The following ZBTB40 variants were observed in gnomAD, a reference collection of about 807,000 sequenced individuals.
The protein encoded by ZBTB40 is zinc finger and BTB domain-containing protein 40.
ZBTB40 carries 60 observed loss-of-function variants against 117.5 expected under a neutral mutation model. The observed-to-expected ratio is 0.51, with a 90% CI of 0.41 to 0.63. The LOEUF (loss-of-function observed/expected upper bound fraction) is 0.63. ZBTB40 is among the 30% of genes least tolerant of loss of function. The pLI is 0.00. For missense variants in ZBTB40, 1,287 were observed against 1,498.5 expected (o/e 0.86, Z 2.33); for synonymous variants, 525 against 577.1 (o/e 0.91, Z 1.29).
In ZBTB40 at chr1:22,530,383, C is replaced by CA. The variant is rs1428954493; in HGVS notation, c.*3991dup. On this transcript the variant is annotated 3_prime_UTR_variant, in exon 18 of 18. Coordinates refer to ENST00000375647, the MANE Select transcript of ZBTB40 (RefSeq NM_014870.4). ...ACTTCGGGGCTGGTGGGACTTAGGC[C>CA]AAAAGCTCAGAGGCACAGCCAAAAT... 1.3e-5 allele frequency: 2 copies of CA among 152,182 alleles called. No homozygotes were observed. The highest frequency in any genetic ancestry group is 4.8e-5 in the African/African-American group (2 of 41,378). The allele number at this position is 152,182 out of a possible 1,614,324, so 9.4% of individuals were successfully genotyped here.
intron 1 of ZBTB40, among the ~76,000 whole-genome samples, chr1:22,478,334 G>A (rs982181606): frequency 4.6e-5 from 7 of 151,922 alleles, no homozygotes; most frequent in African/African-American, 7.3e-5. Context: ...TGCAAGCTCC[G>A]CCTCCTGGGT....
In ZBTB40 at chr1:22,490,616, G is replaced by A. The variant is rs1423465000; in HGVS notation, c.668G>A (p.Ser223Asn). Residue 223 changes from serine to asparagine, a missense_variant, in exon 2 of 18, where the codon AGT becomes AAT. Transcript: ENST00000375647. ...CSPSPAVQTF[S>N]EAKKTSTEPG... ...CCCTCCCCTGCTGTGCAAACCTTTAGTGAGGCAAAGAAGACAAGCACAGAA... is the reference window on the plus strand; with the variant it reads ...CCCTCCCCTGCTGTGCAAACCTTTAATGAGGCAAAGAAGACAAGCACAGAA... 1 of 1,613,840 alleles carries A rather than the reference G, an allele frequency of 6.2e-7. No homozygotes were observed. The highest frequency in any genetic ancestry group is 8.5e-7 in the Non-Finnish European group (1 of 1,180,014).
chr1:22,509,660 C>T (rs1639177050), intron 9 of ZBTB40, among the ~76,000 whole-genome samples: 1 of 152,222 alleles, frequency 6.6e-6, no homozygotes, highest in African/African-American at 2.4e-5. Context: ...GAACCAATAT[C>T]TGTACCCCTT....
chr1:22,501,451 T>C (rs770493315), intron 3 of ZBTB40, 41 bp from the exon 4 acceptor site: 20 of 1,610,350 alleles, frequency 1.2e-5, no homozygotes, highest in Non-Finnish European at 1.5e-5. Flanking sequence ...ATGGTTCTTG[T>C]GGTTCGCTAA....
rs768869516 is a variant in ZBTB40 at position 22,526,159 on chromosome 1, T to C, written c.3526-43T>C. On this transcript the variant is annotated intron_variant, in intron 17 of 17. Transcript: ENST00000375647. The stretch of plus-strand genomic sequence containing the variant: ...AAACCATGTAAATCAGGGAGCCAAC[T>C]GTGAACACTGCCCAGAGCAGCCTCA... 3.7e-6 allele frequency: 6 copies of C among 1,608,906 alleles called. No individual in the cohort carries two copies. The Admixed American group carries it at 1.0e-4, about 27-fold the overall frequency.
chr1:22,487,510 T>C (rs1016383227), intron 1 of ZBTB40, among the ~76,000 whole-genome samples: 11 of 152,166 alleles, frequency 7.2e-5, no homozygotes, highest in African/African-American at 2.4e-4. Context: ...TGGATCATCT[T>C]ATCATCCACC....
intron 1 of ZBTB40, among the ~76,000 whole-genome samples, chr1:22,471,605 G>A (rs1641405099): frequency 6.6e-6 from 1 of 152,244 alleles, no homozygotes; most frequent in Non-Finnish European, 1.5e-5. Context: ...TTATTACCAT[G>A]ATAGAGCAGT....
chr1:22,436,232 C>G lies in ZBTB40; in HGVS notation c.-70+7218C>G, dbSNP rs533230341. Among the ~76,000 whole-genome samples, 3 of 152,290 alleles carry G rather than the reference C, an allele frequency of 2.0e-5. No individual in the cohort carries two copies. The South Asian group carries it at 6.2e-4, about 32-fold the overall frequency. On this transcript the variant is annotated intron_variant, in intron 1 of 8. Coordinates refer to the ZBTB40 transcript ENST00000650433. ...ACTTGCACATAAATAAATACTCATG[C>G]CGGACGCGGTGGCTCATGCCTGTAA...
At chr1:22,488,222 G>A (rs1347349522) in intron 1 of ZBTB40, among the ~76,000 whole-genome samples, 1 of 152,140 alleles carries the variant, frequency 6.6e-6, no homozygotes, top group Non-Finnish European at 1.5e-5. Flanking sequence ...TTTGTGTTAA[G>A]CAGAATTTTA....
intron 1 of ZBTB40, among the ~76,000 whole-genome samples, chr1:22,487,402 G>C (rs914362772): frequency 6.6e-6 from 1 of 152,082 alleles, no homozygotes; most frequent in African/African-American, 2.4e-5. Flanking sequence ...TTACAAGTGA[G>C]ATTACATAAT....
chr1:22,474,217 G>C (rs1641501452), intron 1 of ZBTB40, among the ~76,000 whole-genome samples: 1 of 152,152 alleles, frequency 6.6e-6, no homozygotes, highest in Admixed American at 6.5e-5. Context: ...TCCAAATCTT[G>C]GAGAGTGGAA....
intron 1 of ZBTB40, among the ~76,000 whole-genome samples, chr1:22,482,815 TA>T (rs1638361581): frequency 6.6e-6 from 1 of 152,172 alleles, no homozygotes; most frequent in Non-Finnish European, 1.5e-5. Context: ...CTCACGCCTG[TA>T]ATCTGTAATC....
chr1:22,452,198 T>A (rs1439225635), intron 1 of ZBTB40, among the ~76,000 whole-genome samples, 194 bp downstream of exon 1: 1 of 152,090 alleles, frequency 6.6e-6, no homozygotes, highest in Non-Finnish European at 1.5e-5. Context: ...TGGCGCCGGC[T>A]CTGCTGTAGA....
Position 22,452,343 on chromosome 1 carries a change from C to G in ZBTB40, c.-70+339C>G, listed in dbSNP as rs578060280. 1.5e-3 allele frequency among the ~76,000 whole-genome samples: 227 copies of G among 152,378 alleles called. 3 individuals carry two copies. The highest frequency in any genetic ancestry group is 5.2e-3 in the African/African-American group (218 of 41,600). ...CTTGTCGCTGTCTCACTCCCCCTCC[C>G]TTCAGGTCCCTTCGCCGGGCGTCAG... On this transcript the variant is annotated intron_variant, in intron 1 of 17. Transcript: ENST00000375647.
In ZBTB40 at chr1:22,526,312, T is replaced by C; in HGVS notation, c.3636T>C (p.Ser1212=). 1 of 1,614,220 alleles carries C rather than the reference T, an allele frequency of 6.2e-7. No individual in the cohort carries two copies. Among genetic ancestry groups the C allele is most frequent in the Non-Finnish European group, 8.5e-7 (1 of 1,180,042 alleles). The change falls in exon 18 of 18, where the codon TCT becomes TCC. Residue 1212 remains serine, a synonymous_variant. Coordinates refer to ENST00000375647, the MANE Select transcript of ZBTB40 (RefSeq NM_014870.4). ...VFVTLPDSQA[S]QASSELVAVT... is the part of the protein sequence containing the mutation. ...TGACGTTGCCAGATTCTCAGGCATC[T>C]CAGGCCAGCTCTGAGCTCGTGGCGG...
intron 1 of ZBTB40, among the ~76,000 whole-genome samples, chr1:22,460,044 T>C (rs1261597241): frequency 6.6e-6 from 1 of 152,194 alleles, no homozygotes; most frequent in Non-Finnish European, 1.5e-5. Flanking sequence ...TGCATGCGAC[T>C]TCAAATTATT....
Position 22,530,416 on chromosome 1 carries a change from C to T in ZBTB40, c.*4020C>T, listed in dbSNP as rs1332643583. On this transcript the variant is annotated 3_prime_UTR_variant, in exon 18 of 18. Coordinates refer to ENST00000375647, the MANE Select transcript of ZBTB40 (RefSeq NM_014870.4). The stretch of plus-strand genomic sequence containing the variant: ...CAGAGGCACAGCCAAAATTTAGAAG[C>T]TTGCTACTCCTACGACTCGGCCTAT... The T allele has an allele frequency of 6.6e-6, 1 of 152,252 alleles. No individual in the cohort carries two copies. Among genetic ancestry groups the T allele is most frequent in the East Asian group, 1.9e-4 (1 of 5,324 alleles). The allele number at this position is 152,252 out of a possible 1,614,324, so 9.4% of individuals were successfully genotyped here.
Position 22,524,386 on chromosome 1 carries a change from C to T in ZBTB40, c.3467C>T (p.Ser1156Phe). The T allele has an allele frequency of 3.1e-6, 5 of 1,614,222 alleles. No homozygotes were observed. Among genetic ancestry groups the T allele is most frequent in the Non-Finnish European group, 3.4e-6 (4 of 1,180,042 alleles). The stretch of plus-strand genomic sequence containing the variant: ...GCCCAGCTTGACAGTCACCTGGAAT[C>T]TGAGCACCCAAAGGTGATGAGCACG... ...SQAQLDSHLE[S>F]EHPKVMSTET... The change falls in exon 17 of 18, where the codon TCT becomes TTT. Residue 1156 changes from serine (S) to phenylalanine (F), a missense_variant. Around this residue, in one of 2 missense-constraint regions of ZBTB40, gnomAD observed 417 missense variants for 564.1 expected, o/e 0.74. Coordinates refer to ENST00000375647, the MANE Select transcript of ZBTB40 (RefSeq NM_014870.4).
chr1:22,528,801 G>T lies in ZBTB40; in HGVS notation c.*2405G>T, dbSNP rs1167698733. On this transcript the variant is annotated 3_prime_UTR_variant, in exon 18 of 18. Coordinates refer to ENST00000375647, the MANE Select transcript of ZBTB40 (RefSeq NM_014870.4). ...TTCTCCCACCTGGGCCTCCCAAAGT[G>T]CTAGGATTACAGACATGAGCCACTA... 6.6e-6 allele frequency: 1 copy of T among 151,896 alleles called. No homozygotes were observed. The highest frequency in any genetic ancestry group is 1.5e-5 in the Non-Finnish European group (1 of 68,034). 9.4% of individuals were successfully genotyped at this position (151,896 alleles called of 1,614,324 possible).
Sources: gnomAD v4.1 joint callset for allele counts (sites outside exome capture counted in the v4.1 genomes callset) on GRCh38, gnomAD v4.1.1 for gene constraint, gnomAD v4.1.1 regional missense constraint, MANE v1.5 for transcripts, NCBI Gene and HGNC (gene_info 2026-07-23, HGNC 2026-07-21) for gene names.